ARMH4: variants seen among roughly 807,000 people sequenced by gnomAD.
ARMH4 encodes armadillo like helical domain containing 4.
In ARMH4, 49 loss-of-function variants were observed where a neutral mutation model predicts 61.9. The ratio of observed to expected loss-of-function variants is 0.79; its 90% confidence interval spans 0.63 to 1.00. ARMH4 has a LOEUF of 1.00. Ranked by LOEUF, ARMH4 falls within the 50% of genes least tolerant of loss-of-function variation. ARMH4 has a pLI of 0.00. For synonymous variants in ARMH4, 368 were observed against 341.5 expected (o/e 1.08, Z -0.85); for missense variants, 934 against 930.0 (o/e 1.00, Z -0.06).
At chr14:58,045,667 A>G (rs1218990740) in intron 5 of ARMH4, among the ~76,000 whole-genome samples, 1 of 152,066 alleles carries the variant, frequency 6.6e-6, no homozygotes, top group Non-Finnish European at 1.5e-5. Flanking sequence ...CTAAAAATAT[A>G]TGTTGATGGC....
intron 6 of ARMH4, among the ~76,000 whole-genome samples, chr14:58,007,905 G>A (rs72714758): frequency 0.076 from 11,539 of 152,162 alleles, 618 homozygotes; most frequent in Non-Finnish European, 0.11. Context: ...TAAAAAGACT[G>A]TGTTCTTTAA....
chr14:58,124,085 C>T (rs1886819481), intron 4 of ARMH4, among the ~76,000 whole-genome samples: 1 of 152,176 alleles, frequency 6.6e-6, no homozygotes, highest in South Asian at 2.1e-4. Flanking sequence ...GGTTCCTTGG[C>T]ATAACAGGTT....
chr14:58,109,392 C>T (rs1051963591), intron 4 of ARMH4, among the ~76,000 whole-genome samples: 5 of 152,138 alleles, frequency 3.3e-5, no homozygotes, highest in Non-Finnish European at 7.3e-5. Context: ...TAAATGCTTT[C>T]CCCATCACTC....
intron 5 of ARMH4, among the ~76,000 whole-genome samples, chr14:58,032,302 T>C (rs187568694): frequency 6.6e-6 from 1 of 152,262 alleles, no homozygotes; most frequent in African/African-American, 2.4e-5. Context: ...TAATGAGAAC[T>C]GAGGCTGTTG....
chr14:58,100,677 G>T (rs1415248095), intron 4 of ARMH4, among the ~76,000 whole-genome samples: 1 of 152,146 alleles, frequency 6.6e-6, no homozygotes, highest in Non-Finnish European at 1.5e-5. Context: ...CTTTATTTTA[G>T]ATTCTTGACA....
intron 1 of ARMH4, among the ~76,000 whole-genome samples, chr14:58,143,027 A>T (rs1887616022): frequency 6.6e-6 from 1 of 152,226 alleles, no homozygotes. Flanking sequence ...CCTTCAGATG[A>T]CTGCACCCCT....
At chr14:58,065,985 T>C (rs1481547429) in intron 5 of ARMH4, among the ~76,000 whole-genome samples, 1 of 152,222 alleles carries the variant, frequency 6.6e-6, no homozygotes, top group African/African-American at 2.4e-5. Flanking sequence ...GCAGATCCTC[T>C]TCAGTGAATC....
chr14:58,123,248 T>C (rs1182726617), intron 4 of ARMH4, among the ~76,000 whole-genome samples: 1 of 152,168 alleles, frequency 6.6e-6, no homozygotes, highest in Non-Finnish European at 1.5e-5. Flanking sequence ...CACCCATTTG[T>C]TATCCCCTGC....
intron 5 of ARMH4, among the ~76,000 whole-genome samples, chr14:58,062,193 T>C (rs1884553672): frequency 1.3e-5 from 2 of 151,970 alleles, no homozygotes; most frequent in South Asian, 4.2e-4. Flanking sequence ...AAATAAAAAT[T>C]AGCCAGATGT....
chr14:58,095,356 T>C (rs1237175988), intron 5 of ARMH4, among the ~76,000 whole-genome samples: 1 of 152,106 alleles, frequency 6.6e-6, no homozygotes, highest in Non-Finnish European at 1.5e-5. Context: ...TGTCTGTTTT[T>C]AACCTGTTCG....
At chr14:58,053,735 C>T (rs1239241885) in intron 5 of ARMH4, among the ~76,000 whole-genome samples, 1 of 152,234 alleles carries the variant, frequency 6.6e-6, no homozygotes, top group African/African-American at 2.4e-5. Flanking sequence ...TCTGGGAGCA[C>T]ACTGTCTTCT....
At chr14:58,108,760 A>G (rs1057358927) in intron 4 of ARMH4, among the ~76,000 whole-genome samples, 31 of 152,216 alleles carry the variant, frequency 2.0e-4, no homozygotes, top group Non-Finnish European at 1.0e-4. Flanking sequence ...TACATTCCTA[A>G]AAGTGGAATT....
intron 5 of ARMH4, among the ~76,000 whole-genome samples, 195 bp from the exon 6 acceptor site, chr14:58,012,345 T>C (rs1341581703): frequency 6.6e-6 from 1 of 152,222 alleles, no homozygotes; most frequent in Non-Finnish European, 1.5e-5. Flanking sequence ...CAAACATCCC[T>C]CATATCATTA....
intron 5 of ARMH4, among the ~76,000 whole-genome samples, chr14:58,095,079 T>G (rs529678764): frequency 9.2e-5 from 14 of 152,312 alleles, no homozygotes; most frequent in African/African-American, 3.4e-4. Context: ...TCTAAGACCC[T>G]CTAATTACTT....
chr14:58,147,931 C>T (rs1887790791), intron 1 of ARMH4, among the ~76,000 whole-genome samples: 1 of 152,150 alleles, frequency 6.6e-6, no homozygotes, highest in African/African-American at 2.4e-5. Flanking sequence ...TATGCAATTG[C>T]CAAAATCCAT....
intron 4 of ARMH4, among the ~76,000 whole-genome samples, chr14:58,121,541 T>C (rs1886725511): frequency 6.6e-6 from 1 of 152,236 alleles, no homozygotes; most frequent in South Asian, 2.1e-4. Context: ...CCTCACAATA[T>C]TGATTTTAAA....
At chr14:58,074,220 C>T (rs1490316921) in intron 5 of ARMH4, among the ~76,000 whole-genome samples, 1 of 152,180 alleles carries the variant, frequency 6.6e-6, no homozygotes, top group African/African-American at 2.4e-5. Flanking sequence ...AATTGATTCT[C>T]ACAAGATGAT....
intron 6 of ARMH4, among the ~76,000 whole-genome samples, chr14:58,008,062 T>G (rs1165043400): frequency 6.6e-6 from 1 of 152,202 alleles, no homozygotes; most frequent in Non-Finnish European, 1.5e-5. Context: ...GAAGGATATT[T>G]TGGGTTTGTT....
At chr14:58,046,108 C>G (rs1402314559) in intron 5 of ARMH4, among the ~76,000 whole-genome samples, 1 of 152,124 alleles carries the variant, frequency 6.6e-6, no homozygotes, top group Non-Finnish European at 1.5e-5. Context: ...TTATGGCAGC[C>G]CAAGGAAAGT....
Sources: gnomAD v4.1 joint callset for allele counts (sites outside exome capture counted in the v4.1 genomes callset) on GRCh38, gnomAD v4.1.1 for gene constraint, MANE v1.5 for transcripts, NCBI Gene and HGNC (gene_info 2026-07-23, HGNC 2026-07-21) for gene names.